Variants in CDKN3 observed in about 807,000 individuals in gnomAD.
CDKN3 encodes the protein cyclin-dependent kinase inhibitor 3.
In CDKN3, 19 loss-of-function variants were observed where a neutral mutation model predicts 36.1. The ratio of observed to expected loss-of-function variants is 0.53; its 90% CI spans 0.37 to 0.77. The LOEUF is 0.77. CDKN3 is among the 30% of genes least tolerant of loss of function. The pLI, the probability that CDKN3 is intolerant of heterozygous loss-of-function variation, is 0.00. For missense variants in CDKN3, 188 were observed against 248.6 expected (o/e 0.76, Z 1.64); for synonymous variants, 71 against 85.3 (o/e 0.83, Z 0.92).
chr14:54,406,186 A>AG (rs2030149879), intron 3 of CDKN3, among the ~76,000 whole-genome samples: 1 of 152,212 alleles, frequency 6.6e-6, no homozygotes, highest in Non-Finnish European at 1.5e-5. Context: ...TCTGGCTTGT[A>AG]GGGTTTCTGC....
chr14:54,412,843 A>G (rs540538728), intron 5 of CDKN3: 3 of 515,114 alleles, frequency 5.8e-6, no homozygotes, highest in African/African-American at 3.8e-5. Context: ...CGAATAAGGT[A>G]GGGTATTAAA....
intron 4 of CDKN3, chr14:54,411,230 CA>C (rs754106708): frequency 9.8e-4 from 376 of 385,262 alleles, no homozygotes; most frequent in South Asian, 1.3e-3. Flanking sequence ...GTATTCATTG[CA>C]AAAAAAAATT....
At chr14:54,411,163 C>G (rs1340352136) in intron 4 of CDKN3, 2 of 177,860 alleles carry the variant, frequency 1.1e-5, no homozygotes, top group Admixed American at 2.2e-4. Context: ...GGTGACAGAG[C>G]AAGACTCCAT....
chr14:54,418,138 T>G (rs942223067), intron 7 of CDKN3, 187 bp downstream of exon 7: 2 of 707,574 alleles, frequency 2.8e-6, no homozygotes, highest in African/African-American at 3.5e-5. Flanking sequence ...GTAAATATAA[T>G]CCAGGTAGTC....
chr14:54,399,331 A>C (rs1482092823), intron 1 of CDKN3, among the ~76,000 whole-genome samples: 1 of 152,110 alleles, frequency 6.6e-6, no homozygotes, highest in Non-Finnish European at 1.5e-5. Flanking sequence ...AACCCAGCTA[A>C]AGCGTTTCCT....
intron 4 of CDKN3, among the ~76,000 whole-genome samples, chr14:54,409,318 A>G (rs1594604569): frequency 6.6e-6 from 1 of 152,148 alleles, no homozygotes; most frequent in Admixed American, 6.6e-5. Flanking sequence ...ATCTGCCCCA[A>G]TTTGGAATTT....
chr14:54,413,158 A>G (rs1360680925), intron 5 of CDKN3, among the ~76,000 whole-genome samples: 1 of 152,180 alleles, frequency 6.6e-6, no homozygotes, highest in African/African-American at 2.4e-5. Context: ...TCTACATCCT[A>G]TTGTTTCCCA....
At chr14:54,418,540 T>G (rs918280045) in intron 7 of CDKN3, 61 of 381,188 alleles carry the variant, frequency 1.6e-4, no homozygotes, top group African/African-American at 1.2e-3. Flanking sequence ...ACTGAAAAGA[T>G]TCTGCAGATG....
At chr14:54,401,397 T>C in intron 2 of CDKN3, 127 bp from the exon 3 acceptor site, 1 of 582,868 alleles carries the variant, frequency 1.7e-6, no homozygotes, top group South Asian at 2.5e-5. Flanking sequence ...GAATTCTTAC[T>C]TTGTGACTAC....
At chr14:54,401,951 C>T (rs965275405) in intron 3 of CDKN3, among the ~76,000 whole-genome samples, 8 of 152,076 alleles carry the variant, frequency 5.3e-5, no homozygotes, top group African/African-American at 2.4e-5. Context: ...CACTCACACC[C>T]GTAATCCCAG....
chr14:54,409,976 CTT>C, intron 4 of CDKN3, among the ~76,000 whole-genome samples: 1 of 151,686 alleles, frequency 6.6e-6, no homozygotes, highest in East Asian at 1.9e-4. Flanking sequence ...ATTTATAAAA[CTT>C]TTCTGCTTTA....
At chr14:54,410,994 C>T (rs2030331025) in intron 4 of CDKN3, among the ~76,000 whole-genome samples, 1 of 151,970 alleles carries the variant, frequency 6.6e-6, no homozygotes, top group Non-Finnish European at 1.5e-5. Flanking sequence ...GCCTGACAAA[C>T]ATGGTGAAAC....
intron 3 of CDKN3, 164 bp from the exon 4 acceptor site, chr14:54,408,581 T>C (rs1251720347): frequency 1.2e-6 from 1 of 823,420 alleles, no homozygotes; most frequent in East Asian, 3.4e-5. Flanking sequence ...CCTGTAATTA[T>C]ATTCCTAGAA....
At chr14:54,414,076 G>A (rs187722110) in intron 5 of CDKN3, 64 of 170,192 alleles carry the variant, frequency 3.8e-4, no homozygotes, top group African/African-American at 1.3e-3. Flanking sequence ...ACACTTCCTC[G>A]GATGTCTGTG....
intron 1 of CDKN3, among the ~76,000 whole-genome samples, chr14:54,398,568 G>A (rs1210700828): frequency 3.3e-5 from 5 of 152,178 alleles, no homozygotes; most frequent in Non-Finnish European, 5.9e-5. Context: ...TACTCCATTT[G>A]ATATACAATA....
chr14:54,403,382 A>AT (rs2030033045), intron 3 of CDKN3, among the ~76,000 whole-genome samples: 1 of 152,122 alleles, frequency 6.6e-6, no homozygotes, highest in Admixed American at 6.5e-5. Flanking sequence ...AATGCTTGTG[A>AT]TTTTTGCACA....
chr14:54,408,920 A>C (rs910315381), intron 4 of CDKN3, 131 bp downstream of exon 4: 4 of 1,248,476 alleles, frequency 3.2e-6, no homozygotes. Context: ...GTGAAGTTCC[A>C]AACTATAGAC....
intron 5 of CDKN3, chr14:54,411,928 T>A (rs1255235157): frequency 3.4e-6 from 2 of 585,464 alleles, no homozygotes; most frequent in Non-Finnish European, 6.1e-6. Flanking sequence ...ATGAGTAGAT[T>A]TGGAAATTGT....
chr14:54,417,534 C>A (rs1409734267), intron 6 of CDKN3, among the ~76,000 whole-genome samples: 1 of 152,178 alleles, frequency 6.6e-6, no homozygotes, highest in African/African-American at 2.4e-5. Context: ...ACACTTCTTT[C>A]TGAGGTGATG....
Sources: allele counts gnomAD v4.1 joint callset (sites outside exome capture counted in the v4.1 genomes callset), GRCh38; gene constraint gnomAD v4.1.1; transcripts MANE v1.5; gene names NCBI Gene and HGNC (gene_info 2026-07-23, HGNC 2026-07-21).